Variants in AK9 observed in about 807,000 individuals in gnomAD.
AK9 encodes the protein adenylate kinase domain containing 1.
Under a neutral mutation model 239.6 loss-of-function variants are expected in AK9, and 191 were observed. The ratio of observed to expected loss-of-function variants is 0.80; its 90% CI spans 0.71 to 0.90. The LOEUF (loss-of-function observed/expected upper bound fraction) is 0.90. AK9 is among the 40% of genes least tolerant of loss of function. The pLI is 0.00. For missense variants in AK9, 1,995 were observed against 2,214.7 expected (o/e 0.90, Z 1.99); for synonymous variants, 689 against 721.0 (o/e 0.96, Z 0.71).
chr6:109,539,159 T>G (rs1185250534), intron 27 of AK9, among the ~76,000 whole-genome samples: 1 of 152,214 alleles, frequency 6.6e-6, no homozygotes, highest in Non-Finnish European at 1.5e-5. Context: ...CCTGCCTTGC[T>G]AGGTTGGGGA....
intron 12 of AK9, among the ~76,000 whole-genome samples, chr6:109,627,468 C>A (rs1202908086): frequency 6.6e-6 from 1 of 152,078 alleles, no homozygotes; most frequent in East Asian, 1.9e-4. Context: ...ATGTGCTATG[C>A]TTTTATACAT....
At chr6:109,538,591 T>A (rs1319091588) in intron 27 of AK9, among the ~76,000 whole-genome samples, 2 of 152,026 alleles carry the variant, frequency 1.3e-5, no homozygotes, top group African/African-American at 2.4e-5. Flanking sequence ...AATTGGAGCA[T>A]TTAGCCCATT....
At chr6:109,564,604 T>C (rs955389150) in intron 22 of AK9, among the ~76,000 whole-genome samples, 152 bp downstream of exon 22, 32 of 152,328 alleles carry the variant, frequency 2.1e-4, no homozygotes, top group African/African-American at 7.5e-4. Context: ...ACACTTTTAA[T>C]GGAGTAAGCC....
chr6:109,632,401 T>C (rs142991721), intron 12 of AK9: 1 of 796,390 alleles, frequency 1.3e-6, no homozygotes, highest in Non-Finnish European at 1.5e-6. Flanking sequence ...TCAAATTATA[T>C]CCCAAATATG....
chr6:109,676,422 T>C (rs1406927193), intron 1 of AK9, among the ~76,000 whole-genome samples: 1 of 152,090 alleles, frequency 6.6e-6, no homozygotes, highest in Non-Finnish European at 1.5e-5. Flanking sequence ...ACAAATAAGG[T>C]CACAACAGTT....
chr6:109,582,881 T>C (rs1273811027), intron 19 of AK9, among the ~76,000 whole-genome samples: 6 of 152,134 alleles, frequency 3.9e-5, no homozygotes, highest in African/African-American at 1.4e-4. Context: ...CACCCCAACC[T>C]TTGGCAACCA....
chr6:109,516,794 C>T (rs1181626123), intron 29 of AK9, among the ~76,000 whole-genome samples, 152 bp from the exon 30 acceptor site: 2 of 152,142 alleles, frequency 1.3e-5, no homozygotes, highest in African/African-American at 4.8e-5. Flanking sequence ...TTTTAAATAT[C>T]TGACACTTTT....
intron 24 of AK9, among the ~76,000 whole-genome samples, chr6:109,554,219 T>G (rs1784689622): frequency 6.6e-6 from 1 of 152,202 alleles, no homozygotes; most frequent in African/African-American, 2.4e-5. Context: ...ATAAAATGAA[T>G]TAGGGAGGAG....
At position 109,516,650 on chromosome 6, in the gene AK9, A is replaced by G; in HGVS notation, c.3634-8T>C. ...ATCATCTCTAACAACATTCTAAGGAAGAAAATATTCCCTTTTACTATACAT... is the reference window on the plus strand; with the variant it reads ...ATCATCTCTAACAACATTCTAAGGAGGAAAATATTCCCTTTTACTATACAT... On this transcript the variant is annotated splice_region_variant and splice_polypyrimidine_tract_variant and intron_variant, in intron 29 of 40. Transcript: ENST00000424296. The G allele has an allele frequency of 6.5e-7, 1 of 1,542,140 alleles. No homozygotes were observed. Among genetic ancestry groups the G allele is most frequent in the Non-Finnish European group, 8.8e-7 (1 of 1,140,684 alleles).
intron 29 of AK9, among the ~76,000 whole-genome samples, chr6:109,525,425 C>G (rs1255257369): frequency 6.6e-6 from 1 of 152,130 alleles, no homozygotes; most frequent in East Asian, 1.9e-4. Context: ...CAACATAAGT[C>G]TAATATCCAG....
intron 33 of AK9, 135 bp from the exon 34 acceptor site, chr6:109,506,935 A>G: frequency 7.5e-7 from 1 of 1,332,596 alleles, no homozygotes. Context: ...TATTTTCTTC[A>G]CACTTTGCCC....
chr6:109,545,807 A>G, intron 26 of AK9, 60 bp downstream of exon 26: 1 of 1,532,608 alleles, frequency 6.5e-7, no homozygotes, highest in Non-Finnish European at 8.7e-7. Context: ...TGTCTCAAAA[A>G]CAACAACAAT....
intron 29 of AK9, chr6:109,528,729 CTT>C (rs1479852812): frequency 1.9e-6 from 1 of 523,484 alleles, no homozygotes; most frequent in Non-Finnish European, 3.7e-6. Flanking sequence ...TGATATTCCT[CTT>C]TTTCTCTTCT....
intron 17 of AK9, among the ~76,000 whole-genome samples, chr6:109,600,494 G>A (rs1403272701): frequency 6.6e-6 from 1 of 152,092 alleles, no homozygotes; most frequent in Non-Finnish European, 1.5e-5. Flanking sequence ...ATTTTATTGA[G>A]GATTTTTGCA....
chr6:109,655,183 A>T (rs1272258003), intron 8 of AK9, among the ~76,000 whole-genome samples: 1 of 152,192 alleles, frequency 6.6e-6, no homozygotes, highest in East Asian at 1.9e-4. Flanking sequence ...GGGGTATAAG[A>T]GTTCTTTACC....
chr6:109,622,200 T>C (rs921040288), intron 12 of AK9, among the ~76,000 whole-genome samples: 5 of 145,358 alleles, frequency 3.4e-5, no homozygotes, highest in African/African-American at 1.2e-4. Flanking sequence ...AATATACATA[T>C]TGTATATATT....
chr6:109,524,074 A>T (rs1220004186), intron 29 of AK9, among the ~76,000 whole-genome samples: 1 of 152,176 alleles, frequency 6.6e-6, no homozygotes, highest in African/African-American at 2.4e-5. Flanking sequence ...TCACCAAACA[A>T]GAACTTTTAA....
At chr6:109,584,209 G>A (rs1035568837) in intron 19 of AK9, among the ~76,000 whole-genome samples, 1 of 152,088 alleles carries the variant, frequency 6.6e-6, no homozygotes, top group South Asian at 2.1e-4. Flanking sequence ...ACACATATCA[G>A]TTAAACTGCT....
In AK9 at chr6:109,659,244, T is replaced by C; in HGVS notation, c.614A>G (p.Glu205Gly). 2 of 1,581,260 alleles carry C rather than the reference T, an allele frequency of 1.3e-6. No individual in the cohort carries two copies. Among genetic ancestry groups the C allele is most frequent in the Non-Finnish European group, 1.7e-6 (2 of 1,168,766 alleles). ...GKGEEEEEEEEQEEEEAFIAE... is the reference protein window; with the variant it reads ...GKGEEEEEEEGQEEEEAFIAE... ...AGATATTACCTCTTCTTCTTCTTGC[T>C]CTTCTTCCTCTTCTTCCTCTTCTCC... Residue 205 changes from glutamate (E) to glycine (G), a missense_variant, in exon 7 of 41, where the codon GAG (glutamate) becomes GGG (glycine). Physicochemically the swap from Glu to Gly is moderately conservative, Grantham distance 98. Around this residue, in one of 5 missense-constraint regions of AK9, gnomAD observed 252 missense variants for 246.4 expected, o/e 1.02. Coordinates refer to ENST00000424296, the MANE Select transcript of AK9 (RefSeq NM_001145128.3).
Sources: gnomAD v4.1 joint callset for allele counts (sites outside exome capture counted in the v4.1 genomes callset) on GRCh38, gnomAD v4.1.1 for gene constraint, gnomAD v4.1.1 regional missense constraint, MANE v1.5 for transcripts, NCBI Gene and HGNC (gene_info 2026-07-23, HGNC 2026-07-21) for gene names.